Variants in ALAS1 observed in about 807,000 individuals in gnomAD.
The protein encoded by ALAS1 is 5-aminolevulinate synthase, non-specific, mitochondrial.
Under a neutral mutation model 59.6 loss-of-function variants are expected in ALAS1, and 29 were observed. That is an observed-to-expected ratio of 0.49 (90% CI 0.36 to 0.66). The LOEUF (loss-of-function observed/expected upper bound fraction) is 0.66, where lower values mean the gene tolerates loss of function less well. Among genes scored for constraint, ALAS1 ranks in the 30% least tolerant of loss-of-function variants. The pLI, the probability that ALAS1 is intolerant of heterozygous loss-of-function variation, is 0.00. For missense variants in ALAS1, 690 were observed against 807.5 expected, an observed-to-expected ratio of 0.85 and a Z score of 1.76; for synonymous variants, 299 against 296.6, an observed-to-expected ratio of 1.01 and a Z score of -0.08.
At chr3:52,208,042 G>A (rs1276308244) in intron 8 of ALAS1, 41 bp from the exon 9 acceptor site, 7 of 1,471,150 alleles carry the variant, frequency 4.8e-6, no homozygotes, top group Admixed American at 2.6e-5. Context: ...AATTTCTGAA[G>A]CGGCAAAAGC....
In ALAS1 at chr3:52,198,173, A is replaced by T; in HGVS notation, c.-292A>T. ...GATCGCGGCCTGAGGCTGCTCCCGG[A>T]CAAGGGCAACGAGCGTTTCGTTTGG... On this transcript the variant is annotated 5_prime_UTR_variant, in exon 1 of 12. Coordinates refer to ENST00000484952, the MANE Select transcript of ALAS1 (RefSeq NM_000688.6). 2.5e-6 allele frequency: 1 copy of T among 398,604 alleles called. No homozygotes were observed. Among genetic ancestry groups the T allele is most frequent in the African/African-American group, 2.1e-5 (1 of 48,756 alleles). The allele number at this position is 398,604 out of a possible 1,614,324, so 24.7% of individuals were successfully genotyped here.
In ALAS1 at chr3:52,206,288, G is replaced by A. The variant is rs138208474; in HGVS notation, c.985+265G>A. On this transcript the variant is annotated intron_variant, in intron 7 of 11. Coordinates refer to ENST00000484952, the MANE Select transcript of ALAS1 (RefSeq NM_000688.6). ...TTTTGTATTCTAAGATGATCCTTTGGAGAAGTCTCTTAATCATTTAGTTAG... is the reference window on the plus strand; with the variant it reads ...TTTTGTATTCTAAGATGATCCTTTGAAGAAGTCTCTTAATCATTTAGTTAG... 3.0e-4 allele frequency among the ~76,000 whole-genome samples: 46 copies of A among 152,264 alleles called. No individual in the cohort carries two copies. In the East Asian group the frequency reaches 8.3e-3, roughly 27 times the overall value.
At chr3:52,208,908 G>A (rs914362167) in intron 9 of ALAS1, among the ~76,000 whole-genome samples, 1 of 152,232 alleles carries the variant, frequency 6.6e-6, no homozygotes, top group Non-Finnish European at 1.5e-5. Context: ...GAGAACCTAT[G>A]AGAACCCTAA....
At chr3:52,207,340 G>A (rs1172818898) in intron 8 of ALAS1, among the ~76,000 whole-genome samples, 1 of 152,004 alleles carries the variant, frequency 6.6e-6, no homozygotes, top group Non-Finnish European at 1.5e-5. Context: ...GTTTCACTGT[G>A]TTAGTCAGGA....
chr3:52,211,483 A>T lies in ALAS1; in HGVS notation c.1531A>T (p.Met511Leu). 3 of 1,614,220 alleles carry T rather than the reference A, an allele frequency of 1.9e-6. No individual in the cohort carries two copies. The highest frequency in any genetic ancestry group is 2.5e-6 in the Non-Finnish European group (3 of 1,180,042). ...CCAGCACCAGCGCAACGTCAAACTCATGAGACAGATGCTAATGGATGCCGG... is the reference window on the plus strand; with the variant it reads ...CCAGCACCAGCGCAACGTCAAACTCTTGAGACAGATGCTAATGGATGCCGG... ...RRQHQRNVKL[M>L]RQMLMDAGLP... The change falls in exon 10 of 12, where the codon ATG becomes TTG. Residue 511 changes from methionine (M) to leucine (L), a missense_variant. Coordinates refer to ENST00000484952, the MANE Select transcript of ALAS1 (RefSeq NM_000688.6).
intron 11 of ALAS1, among the ~76,000 whole-genome samples, chr3:52,212,761 C>T (rs1054015146): frequency 1.3e-5 from 2 of 152,282 alleles, no homozygotes; most frequent in African/African-American, 4.8e-5. Flanking sequence ...GAACTCCCGA[C>T]CTCAGGTGAT....
chr3:52,208,845 T>C (rs1699347218), intron 9 of ALAS1, among the ~76,000 whole-genome samples: 2 of 152,192 alleles, frequency 1.3e-5, no homozygotes, highest in Admixed American at 6.5e-5. Flanking sequence ...TCAAAATATA[T>C]GTGGAGAAGG....
At position 52,208,065 on chromosome 3, in the gene ALAS1, T is replaced by G; in HGVS notation, c.1166-18T>G. The G allele has an allele frequency of 4.6e-6, 7 of 1,536,304 alleles. No individual in the cohort carries two copies. The highest frequency in any genetic ancestry group is 6.1e-6 in the Non-Finnish European group (7 of 1,145,756). On this transcript the variant is annotated intron_variant, in intron 8 of 11. Coordinates refer to ENST00000484952, the MANE Select transcript of ALAS1 (RefSeq NM_000688.6). ...AAGCGGCAAAAGCTCTTCAGAGCAG[T>G]CTCTGGTCTTTCCTCAGGGGCGGTG...
chr3:52,203,588 A>C (rs1304309865), intron 4 of ALAS1, among the ~76,000 whole-genome samples: 1 of 151,988 alleles, frequency 6.6e-6, no homozygotes. Context: ...GTGGGGATGT[A>C]GTGGAGTGAA....
intron 9 of ALAS1, among the ~76,000 whole-genome samples, chr3:52,210,526 C>A (rs998016038): frequency 1.3e-5 from 2 of 152,130 alleles, no homozygotes; most frequent in African/African-American, 4.8e-5. Flanking sequence ...TGAATCCCAG[C>A]ACTTTGGGAG....
intron 3 of ALAS1, among the ~76,000 whole-genome samples, chr3:52,202,299 A>C (rs7644241): frequency 0.013 from 1,995 of 152,282 alleles, 49 homozygotes; most frequent in African/African-American, 0.045. Context: ...GTAGTGAGCC[A>C]AGATTGTGCC....
chr3:52,207,001 ATT>A (rs770904720), intron 8 of ALAS1, among the ~76,000 whole-genome samples: 11 of 125,096 alleles, frequency 8.8e-5, no homozygotes, highest in Non-Finnish European at 6.7e-5. Flanking sequence ...CGCCTGGCTA[ATT>A]TTTTTTTTTT....
At chr3:52,207,671 T>C (rs1699322476) in intron 8 of ALAS1, among the ~76,000 whole-genome samples, 1 of 152,138 alleles carries the variant, frequency 6.6e-6, no homozygotes, top group African/African-American at 2.4e-5. Context: ...TGTCTGTTGT[T>C]CCCTTCTTTG....
At chr3:52,201,276 G>A (rs1699181535) in intron 3 of ALAS1, among the ~76,000 whole-genome samples, 1 of 152,202 alleles carries the variant, frequency 6.6e-6, no homozygotes, top group African/African-American at 2.4e-5. Flanking sequence ...TTAGTCAGCA[G>A]ACTTTGATGA....
chr3:52,210,516 T>C (rs1040550548), intron 9 of ALAS1, among the ~76,000 whole-genome samples: 5 of 152,164 alleles, frequency 3.3e-5, no homozygotes, highest in Non-Finnish European at 5.9e-5. Context: ...AGCTCACACC[T>C]GAATCCCAGC....
At chr3:52,210,385 T>C (rs2107280231) in intron 9 of ALAS1, among the ~76,000 whole-genome samples, 1 of 152,304 alleles carries the variant, frequency 6.6e-6, no homozygotes, top group African/African-American at 2.4e-5. Context: ...TCAGGTCTGA[T>C]TGGAAGACCT....
At position 52,203,890 on chromosome 3, in the gene ALAS1, G is replaced by A. The variant is rs749325895; in HGVS notation, c.455G>A (p.Ser152Asn). 2 of 1,609,238 alleles carry A rather than the reference G, an allele frequency of 1.2e-6. No individual in the cohort carries two copies. The highest frequency in any genetic ancestry group is 1.3e-5 in the African/African-American group (1 of 74,784). ...KEVAETSAGPSVVSVKTDGGD... is the reference protein window; with the variant it reads ...KEVAETSAGPNVVSVKTDGGD... ...GTTGCTGAAACCTCAGCAGGCCCCA[G>A]TGTGGTTAGTGTGAAAACCGATGGA... is the stretch of plus-strand genomic sequence containing the variant. Residue 152 changes from serine (S) to asparagine (N), a missense_variant, in exon 5 of 12, where the codon AGT becomes AAT. Coordinates refer to ENST00000484952, the MANE Select transcript of ALAS1 (RefSeq NM_000688.6).
intron 5 of ALAS1, among the ~76,000 whole-genome samples, chr3:52,204,238 G>A (rs1699248765): frequency 6.6e-6 from 1 of 152,094 alleles, no homozygotes; most frequent in African/African-American, 2.4e-5. Context: ...TTTTTAATTA[G>A]CCAGGCATGA....
chr3:52,213,705 C>T (rs1356125329), intron 11 of ALAS1, among the ~76,000 whole-genome samples: 6 of 152,180 alleles, frequency 3.9e-5, no homozygotes, highest in Admixed American at 3.9e-4. Context: ...CTTTTCTGGA[C>T]CTTGTGTCTA....
Sources: gnomAD v4.1 joint callset for allele counts (sites outside exome capture counted in the v4.1 genomes callset) on GRCh38, gnomAD v4.1.1 for gene constraint, MANE v1.5 for transcripts, NCBI Gene and HGNC (gene_info 2026-07-23, HGNC 2026-07-21) for gene names.